The following NFIB variants were observed in gnomAD, a reference collection of about 807,000 sequenced individuals.
NFIB encodes the protein nuclear factor I B, also known as nuclear factor 1 B-type.
NFIB carries 11 observed loss-of-function variants against 61.5 expected under a neutral mutation model. That is an observed-to-expected ratio of 0.18 (90% CI 0.11 to 0.30). The LOEUF is 0.30. Among genes scored for constraint, NFIB ranks in the 10% least tolerant of loss-of-function variants. The pLI, the probability that NFIB is intolerant of heterozygous loss-of-function variation, is 1.00. For missense variants in NFIB, 471 were observed against 608.9 expected (o/e 0.77, Z 2.38); for synonymous variants, 260 against 216.5 (o/e 1.20, Z -1.76).
Position 14,120,344 on chromosome 9 carries a change from T to A in NFIB, c.1245+96A>T. 6 of 1,327,444 alleles carry A rather than the reference T, an allele frequency of 4.5e-6. No individual in the cohort carries two copies. The highest frequency in any genetic ancestry group is 6.5e-6 in the Non-Finnish European group (6 of 927,966). 82.2% of individuals were successfully genotyped at this position (1,327,444 alleles called of 1,614,324 possible). A position where few individuals can be genotyped will look rare whatever the true frequency, so the allele number is the denominator to read the frequency against. On this transcript the variant is annotated intron_variant, in intron 8 of 10. Transcript: ENST00000380953. This position sits in a 1 kb window ranked among gnomAD's most constrained non-coding sequence, Gnocchi z 4.4. ...GAAGATGGATTTCAAGGCTTGACGT[T>A]CTGCCAGACACACTGTCTGACTAAC...
At chr9:14,237,762 C>CTGTGTGTGTGTG (rs1563932366) in intron 2 of NFIB, among the ~76,000 whole-genome samples, 22 of 105,894 alleles carry the variant, frequency 2.1e-4, no homozygotes, top group African/African-American at 8.2e-4. Flanking sequence ...CTAGGTATAA[C>CTGTGTGTGTGTG]AGTGTGTGTG....
chr9:14,340,514 G>A (rs1314882823), intron 1 of NFIB, among the ~76,000 whole-genome samples: 3 of 152,188 alleles, frequency 2.0e-5, no homozygotes, highest in East Asian at 3.9e-4. Context: ...AATGTGCAGT[G>A]GGGTTGGGAG....
chr9:14,372,669 A>G (rs1056521765), intron 1 of NFIB, among the ~76,000 whole-genome samples: 1 of 152,156 alleles, frequency 6.6e-6, no homozygotes, highest in Non-Finnish European at 1.5e-5. Context: ...GTGCTGGCTT[A>G]GTACCTGGGG....
At chr9:14,448,195 G>C in the NFIB span, among the ~76,000 whole-genome samples, 1 of 152,160 alleles carries the variant, frequency 6.6e-6, no homozygotes, top group African/African-American at 2.4e-5. Context: ...CTTGGGGACT[G>C]AGCTCATTGT....
Position 14,291,041 on chromosome 9 carries a change from T to C in NFIB, c.562+15948A>G, listed in dbSNP as rs550467778. Among the ~76,000 whole-genome samples, 67 of 152,266 alleles carry C rather than the reference T, an allele frequency of 4.4e-4. 3 individuals are homozygous for C. Among genetic ancestry groups the C allele is most frequent in the Non-Finnish European group, 4.4e-5 (3 of 68,014 alleles). ...TACTGTCAAACTAGAAATTAGCTAC[T>C]AGAAGTAGCTGATATTAAACTTTTT... On this transcript the variant is annotated intron_variant, in intron 2 of 10. Transcript: ENST00000380953.
In NFIB at chr9:14,125,666, G is replaced by T; in HGVS notation, c.1026C>A (p.His342Gln). The T allele has an allele frequency of 6.2e-7, 1 of 1,614,142 alleles. No individual in the cohort carries two copies. ...CAACTCCAGGTATTCCGGGATGGTG[G>T]TGCTGGGGGAAAGTGCTCAGTCTTG... ...SSPRLSTFPQHHHPGIPGVAH... is the reference protein window; with the variant it reads ...SSPRLSTFPQQHHPGIPGVAH... Residue 342 changes from histidine (H) to glutamine (Q), a missense_variant, in exon 7 of 11, where the codon CAC becomes CAA. Physicochemically the swap from His to Gln is conservative, Grantham distance 24 (BLOSUM62 0). Coordinates refer to ENST00000380953, the MANE Select transcript of NFIB (RefSeq NM_001190737.2).
chr9:14,441,516 C>G, the NFIB span, among the ~76,000 whole-genome samples: 11 of 152,242 alleles, frequency 7.2e-5, no homozygotes, highest in African/African-American at 2.4e-4. Flanking sequence ...TATATCAAAA[C>G]CCATACTTTA....
At chr9:14,136,678 G>C (rs2041087125) in intron 6 of NFIB, among the ~76,000 whole-genome samples, 1 of 152,152 alleles carries the variant, frequency 6.6e-6, no homozygotes, top group African/African-American at 2.4e-5. Context: ...GGATTTACAG[G>C]AAAGTCCTAT....
chr9:14,487,307 C>T, the NFIB span, among the ~76,000 whole-genome samples: 1 of 152,144 alleles, frequency 6.6e-6, no homozygotes, highest in East Asian at 1.9e-4. Flanking sequence ...GGCAAAAGAG[C>T]AGAAAAAACA....
chr9:14,484,908 C>T, the NFIB span, among the ~76,000 whole-genome samples: 1 of 152,052 alleles, frequency 6.6e-6, no homozygotes, highest in Non-Finnish European at 1.5e-5. Flanking sequence ...CCTGGCAGTC[C>T]AAATCAGGGT....
chr9:14,447,955 T>C, the NFIB span, among the ~76,000 whole-genome samples: 3 of 152,206 alleles, frequency 2.0e-5, no homozygotes, highest in Non-Finnish European at 2.9e-5. Flanking sequence ...TCAAGGTACC[T>C]ACCCTGAAAT....
the NFIB span, among the ~76,000 whole-genome samples, chr9:14,514,185 A>G: frequency 1.3e-5 from 2 of 152,158 alleles, no homozygotes; most frequent in African/African-American, 4.8e-5. Flanking sequence ...GTTTGTTTTC[A>G]GAGCTCTATT....
At chr9:14,322,634 C>G in intron 1 of NFIB, among the ~76,000 whole-genome samples, 1 of 151,864 alleles carries the variant, frequency 6.6e-6, no homozygotes, top group Non-Finnish European at 1.5e-5. Context: ...CGGCTCTTCG[C>G]TTCCGCCTGG....
chr9:14,304,653 T>C (rs1348529123), intron 2 of NFIB, among the ~76,000 whole-genome samples: 1 of 152,252 alleles, frequency 6.6e-6, no homozygotes. Flanking sequence ...TTCTCTTTTC[T>C]GATTTTTCTT....
At chr9:14,468,425 A>G in the NFIB span, among the ~76,000 whole-genome samples, 2 of 152,218 alleles carry the variant, frequency 1.3e-5, no homozygotes, top group Non-Finnish European at 2.9e-5. Flanking sequence ...ACATAAACAC[A>G]AAAAATGCCC....
the NFIB span, among the ~76,000 whole-genome samples, chr9:14,471,301 T>A: frequency 6.6e-6 from 1 of 152,174 alleles, no homozygotes; most frequent in African/African-American, 2.4e-5. Context: ...GGCTTCTAAA[T>A]GGATTTGCCT....
At chr9:14,363,086 C>T (rs947771219) in intron 1 of NFIB, among the ~76,000 whole-genome samples, 5 of 152,086 alleles carry the variant, frequency 3.3e-5, no homozygotes, top group African/African-American at 1.2e-4. Flanking sequence ...ATACACTCTA[C>T]AAAATGGGGA....
the NFIB span, among the ~76,000 whole-genome samples, chr9:14,491,127 A>G: frequency 6.6e-6 from 1 of 152,216 alleles, no homozygotes; most frequent in African/African-American, 2.4e-5. Context: ...AATTTTGGAC[A>G]ACTACTTAAT....
rs1026806426 is a variant in NFIB at position 14,276,820 on chromosome 9, T to C, written c.562+30169A>G. On this transcript the variant is annotated intron_variant, in intron 2 of 10. Coordinates refer to ENST00000380953, the MANE Select transcript of NFIB (RefSeq NM_001190737.2). ...GTCTTATTAATATAGCTTCATGCAG[T>C]CACCTAAATATCTTCAAGTATTGTA... 5.9e-5 allele frequency among the ~76,000 whole-genome samples: 9 copies of C among 152,130 alleles called. No homozygotes were observed. The East Asian group carries it at 1.2e-3, about 20-fold the overall frequency.
Sources: gnomAD v4.1 joint callset for allele counts (sites outside exome capture counted in the v4.1 genomes callset) on GRCh38, gnomAD v4.1.1 for gene constraint, Gnocchi (gnomAD v3.1) non-coding constraint, MANE v1.5 for transcripts, NCBI Gene and HGNC (gene_info 2026-07-23, HGNC 2026-07-21) for gene names.